The following TMEM131 variants were observed in gnomAD, a reference collection of about 807,000 sequenced individuals.
The protein encoded by TMEM131 is 2610524E03Rik.
In TMEM131, 66 loss-of-function variants were observed where a neutral mutation model predicts 211.6. That is an observed-to-expected ratio of 0.31 (90% CI 0.26 to 0.38). The LOEUF (loss-of-function observed/expected upper bound fraction) is 0.38, where lower values mean the gene tolerates loss of function less well. Ranked by LOEUF, TMEM131 falls within the 10% of genes least tolerant of loss-of-function variation. TMEM131 has a pLI of 1.00. For synonymous variants in TMEM131, 844 were observed against 841.3 expected, an observed-to-expected ratio of 1.00 and a Z score of -0.06; for missense variants, 2,036 against 2,299.3, an observed-to-expected ratio of 0.89 and a Z score of 2.34.
intron 4 of TMEM131, among the ~76,000 whole-genome samples, chr2:97,864,668 G>A (rs1029176416): frequency 2.6e-5 from 4 of 152,142 alleles, no homozygotes; most frequent in African/African-American, 9.7e-5. Context: ...GAAGTTAGAG[G>A]GAGGTACTGA....
chr2:97,804,621 C>CCCAAA (rs1681201265), intron 22 of TMEM131, among the ~76,000 whole-genome samples: 1 of 71,922 alleles, frequency 1.4e-5, no homozygotes, highest in Non-Finnish European at 2.6e-5. Flanking sequence ...GACTCCGTCT[C>CCCAAA]AAAAAAAAAA....
Position 97,995,459 on chromosome 2 carries a change from CG to C in TMEM131, c.187+16del. On this transcript the variant is annotated intron_variant, in intron 1 of 40. Transcript: ENST00000186436. ...GGTGACAGCCCCGCCGCAGGGACGC[CG>C]CCGGGGGACACCCACCTTCCTTCTC... 1 of 1,376,036 alleles carries C rather than the reference CG, an allele frequency of 7.3e-7. No homozygotes were observed. Among genetic ancestry groups the C allele is most frequent in the South Asian group, 1.7e-5 (1 of 60,024 alleles). The allele number at this position is 1,376,036 out of a possible 1,614,324, so 85.2% of individuals were successfully genotyped here.
chr2:97,802,604 T>A, intron 23 of TMEM131, 48 bp downstream of exon 23: 2 of 1,606,378 alleles, frequency 1.2e-6, no homozygotes, highest in East Asian at 4.5e-5. Context: ...AAATACTTTA[T>A]AATCCTAGTA....
intron 11 of TMEM131, among the ~76,000 whole-genome samples, chr2:97,831,257 G>A (rs998276205): frequency 7.9e-5 from 12 of 152,182 alleles, no homozygotes; most frequent in African/African-American, 2.4e-4. Flanking sequence ...TTAAAATCCT[G>A]TAATAATTTC....
intron 1 of TMEM131, among the ~76,000 whole-genome samples, chr2:97,970,979 A>G (rs1679273076): frequency 6.6e-6 from 1 of 152,226 alleles, no homozygotes; most frequent in Non-Finnish European, 1.5e-5. Context: ...GGGAGTATAA[A>G]GAATGATTAA....
chr2:97,782,520 T>C (rs184258523), intron 31 of TMEM131, among the ~76,000 whole-genome samples: 1 of 152,052 alleles, frequency 6.6e-6, no homozygotes, highest in Admixed American at 6.5e-5. Flanking sequence ...AATAAACAGA[T>C]GCCAACACCA....
At position 97,867,302 on chromosome 2, in the gene TMEM131, C is replaced by T. The variant is rs189706525; in HGVS notation, c.360-7875G>A. 8.3e-4 allele frequency among the ~76,000 whole-genome samples: 127 copies of T among 152,236 alleles called. 1 individual carries two copies. Among genetic ancestry groups the T allele is most frequent in the African/African-American group, 2.9e-3 (120 of 41,534 alleles). Reference sequence around the variant, plus strand: ...TACTGAAGACTGTCATTATTACTGTCGCATTGTGTATTTCTCCCTTCAGTT... The same window carrying T: ...TACTGAAGACTGTCATTATTACTGTTGCATTGTGTATTTCTCCCTTCAGTT... On this transcript the variant is annotated intron_variant, in intron 4 of 40. Transcript: ENST00000186436.
intron 22 of TMEM131, among the ~76,000 whole-genome samples, chr2:97,804,848 G>C (rs943171416): frequency 5.3e-5 from 8 of 152,098 alleles, no homozygotes; most frequent in Admixed American, 3.9e-4. Context: ...ATATTTTCTT[G>C]GAGTGTAAGA....
chr2:97,852,543 G>A (rs1673667691), intron 5 of TMEM131, among the ~76,000 whole-genome samples: 1 of 152,234 alleles, frequency 6.6e-6, no homozygotes, highest in South Asian at 2.1e-4. Context: ...GAGAGGGGAG[G>A]AAGCTGCAGA....
chr2:97,785,545 G>A (rs1181819249), intron 31 of TMEM131, among the ~76,000 whole-genome samples: 3 of 152,184 alleles, frequency 2.0e-5, no homozygotes, highest in African/African-American at 7.2e-5. Context: ...GGAGAACCTG[G>A]ATCACTCCTA....
chr2:97,778,362 C>T (rs779427911), intron 31 of TMEM131, among the ~76,000 whole-genome samples: 5 of 152,102 alleles, frequency 3.3e-5, no homozygotes, highest in Admixed American at 3.3e-4. Context: ...ACCAGCCTGG[C>T]CAATATGATG....
At chr2:97,936,402 G>A (rs1470870479) in intron 1 of TMEM131, among the ~76,000 whole-genome samples, 1 of 152,200 alleles carries the variant, frequency 6.6e-6, no homozygotes, top group Non-Finnish European at 1.5e-5. Context: ...GCTGACCCCA[G>A]GCTTTGTGTA....
At position 97,823,410 on chromosome 2, in the gene TMEM131, T is replaced by C. The variant is rs189743206; in HGVS notation, c.1075-4689A>G. 3.7e-3 allele frequency among the ~76,000 whole-genome samples: 570 copies of C among 152,330 alleles called. 6 individuals are homozygous for C. Among genetic ancestry groups the C allele is most frequent in the Middle Eastern group, 0.014 (4 of 294 alleles). ...CTGATAGGTATACAGATGTCCTACA[T>C]GGTCTAGGGCAAACCTTTGATCTCA... On this transcript the variant is annotated intron_variant, in intron 11 of 40. Transcript: ENST00000186436.
chr2:97,940,373 A>G (rs1034007508), intron 1 of TMEM131, among the ~76,000 whole-genome samples: 3 of 152,208 alleles, frequency 2.0e-5, no homozygotes, highest in Non-Finnish European at 4.4e-5. Context: ...CTATACACCA[A>G]TAAGAGACAG....
At chr2:97,861,530 A>G (rs1020257974) in intron 4 of TMEM131, among the ~76,000 whole-genome samples, 1 of 151,846 alleles carries the variant, frequency 6.6e-6, no homozygotes, top group African/African-American at 2.4e-5. Context: ...ATTTACCACA[A>G]GCTGACTGAA....
chr2:97,980,355 G>A (rs1015180507), intron 1 of TMEM131, among the ~76,000 whole-genome samples: 11 of 152,154 alleles, frequency 7.2e-5, no homozygotes, highest in Non-Finnish European at 1.0e-4. Flanking sequence ...GAGGCAAAGT[G>A]CAATAAAATG....
intron 4 of TMEM131, among the ~76,000 whole-genome samples, chr2:97,883,970 G>T (rs1274926176): frequency 6.6e-6 from 1 of 151,836 alleles, no homozygotes. Context: ...TAATTTTGAG[G>T]CTTTGATTTG....
intron 1 of TMEM131, among the ~76,000 whole-genome samples, chr2:97,966,386 C>T (rs1210849749): frequency 6.6e-6 from 1 of 152,116 alleles, no homozygotes; most frequent in Non-Finnish European, 1.5e-5. Context: ...ATTTCTTCCA[C>T]TCTTCAAATC....
chr2:97,841,679 A>G (rs1055331770), intron 7 of TMEM131, 136 bp downstream of exon 7: 120 of 1,001,438 alleles, frequency 1.2e-4, no homozygotes, highest in Non-Finnish European at 1.5e-4. Context: ...CTGTACTAAA[A>G]GTAATACCCC....
Sources: gnomAD v4.1 joint callset for allele counts (sites outside exome capture counted in the v4.1 genomes callset) on GRCh38, gnomAD v4.1.1 for gene constraint, MANE v1.5 for transcripts, NCBI Gene and HGNC (gene_info 2026-07-23, HGNC 2026-07-21) for gene names.